QTMAN: variants seen among roughly 807,000 people sequenced by gnomAD.
The protein encoded by QTMAN is tRNA-queuosine alpha-mannosyltransferase.
chr2:144,269,448 C>CT, the QTMAN span, among the ~76,000 whole-genome samples: 1 of 152,000 alleles, frequency 6.6e-6, no homozygotes, highest in African/African-American at 2.4e-5. Flanking sequence ...TAATTTTTAA[C>CT]TTTTTTTATT....
the QTMAN span, among the ~76,000 whole-genome samples, chr2:144,321,411 A>C: frequency 6.6e-6 from 1 of 152,214 alleles, no homozygotes; most frequent in Non-Finnish European, 1.5e-5. Flanking sequence ...AAAAGATGTT[A>C]ATTAGTCCAT....
At chr2:143,995,738 T>G in the QTMAN span, among the ~76,000 whole-genome samples, 3 of 152,294 alleles carry the variant, frequency 2.0e-5, 1 homozygote, top group African/African-American at 4.8e-5. Flanking sequence ...AAATATATTT[T>G]AAACCTGTTT....
chr2:144,039,273 T>A, the QTMAN span, among the ~76,000 whole-genome samples: 1 of 152,156 alleles, frequency 6.6e-6, no homozygotes, highest in South Asian at 2.1e-4. Flanking sequence ...ATAAAGTGTG[T>A]GATGCGTCTC....
At chr2:144,085,534 G>A in the QTMAN span, among the ~76,000 whole-genome samples, 3 of 152,322 alleles carry the variant, frequency 2.0e-5, no homozygotes, top group Non-Finnish European at 4.4e-5. Flanking sequence ...CTTTTGTTCA[G>A]AGAATCCAAA....
chr2:144,130,999 T>C, the QTMAN span, among the ~76,000 whole-genome samples: 1 of 151,976 alleles, frequency 6.6e-6, no homozygotes, highest in African/African-American at 2.4e-5. Flanking sequence ...AAAGATCTGA[T>C]GGTTTTACAA....
At chr2:144,085,169 T>C in the QTMAN span, among the ~76,000 whole-genome samples, 1 of 152,206 alleles carries the variant, frequency 6.6e-6, no homozygotes, top group Non-Finnish European at 1.5e-5. Flanking sequence ...CTCAACTCTT[T>C]CTTTGTAGTG....
the QTMAN span, among the ~76,000 whole-genome samples, chr2:143,953,209 A>C: frequency 1.3e-5 from 2 of 151,794 alleles, no homozygotes; most frequent in Admixed American, 1.3e-4. Context: ...AAGCCTCAGA[A>C]TGTTCATTTT....
the QTMAN span, among the ~76,000 whole-genome samples, chr2:144,152,750 T>C: frequency 8.5e-4 from 129 of 152,340 alleles, no homozygotes; most frequent in Non-Finnish European, 1.7e-3. Flanking sequence ...TGTAAAATCT[T>C]TTGACTTGGC....
the QTMAN span, among the ~76,000 whole-genome samples, chr2:144,263,007 AGGAGG>A: frequency 9.8e-4 from 19 of 19,394 alleles, 1 homozygote; most frequent in Admixed American, 0.01. Flanking sequence ...GGGAGGACAG[AGGAGG>A]GGAGGGGAGG....
At chr2:144,007,436 C>T in the QTMAN span, 5 of 1,613,296 alleles carry the variant, frequency 3.1e-6, no homozygotes, top group Non-Finnish European at 4.2e-6. Context: ...AATCTCTCTG[C>T]TCTGGCTGAA....
At chr2:144,258,275 G>T in the QTMAN span, among the ~76,000 whole-genome samples, 1 of 149,762 alleles carries the variant, frequency 6.7e-6, no homozygotes. Context: ...GAAAAAAAAG[G>T]AAAGATATAA....
chr2:144,172,256 T>G, the QTMAN span, among the ~76,000 whole-genome samples: 2 of 152,086 alleles, frequency 1.3e-5, no homozygotes, highest in East Asian at 3.8e-4. Context: ...TTATTAAGAT[T>G]TAAACGACTT....
At chr2:144,269,522 T>C in the QTMAN span, among the ~76,000 whole-genome samples, 1 of 152,102 alleles carries the variant, frequency 6.6e-6, no homozygotes, top group South Asian at 2.1e-4. Flanking sequence ...TCCAAAAATA[T>C]CATTTGGGTC....
At chr2:144,311,134 AT>A in the QTMAN span, among the ~76,000 whole-genome samples, 11 of 152,188 alleles carry the variant, frequency 7.2e-5, no homozygotes, top group Admixed American at 7.2e-4. Flanking sequence ...TAAGGTGTGT[AT>A]TTAAGATAAT....
the QTMAN span, among the ~76,000 whole-genome samples, chr2:144,133,128 T>TAA: frequency 1.1e-4 from 5 of 44,904 alleles, no homozygotes; most frequent in African/African-American, 4.4e-4. Context: ...TATATATATA[T>TAA]ATATATATAT....
At chr2:144,240,739 A>C in the QTMAN span, among the ~76,000 whole-genome samples, 1 of 152,236 alleles carries the variant, frequency 6.6e-6, no homozygotes, top group African/African-American at 2.4e-5. Flanking sequence ...CACACAAACA[A>C]GTAGAACAGG....
the QTMAN span, among the ~76,000 whole-genome samples, chr2:144,242,075 CCAG>C: frequency 6.6e-6 from 1 of 151,894 alleles, no homozygotes; most frequent in African/African-American, 2.4e-5. Flanking sequence ...AAAAGTTTCT[CCAG>C]CACAGGAGGA....
At chr2:144,212,202 C>A in the QTMAN span, among the ~76,000 whole-genome samples, 2 of 152,172 alleles carry the variant, frequency 1.3e-5, no homozygotes, top group Admixed American at 6.5e-5. Context: ...GTGGCTCACG[C>A]CTGTAATCCC....
chr2:143,951,887 A>C, the QTMAN span: 1 of 662,388 alleles, frequency 1.5e-6, no homozygotes, highest in Non-Finnish European at 2.7e-6. Flanking sequence ...TGTTTCCTTT[A>C]AACATTAGTA....
Sources: allele counts gnomAD v4.1 joint callset (sites outside exome capture counted in the v4.1 genomes callset), GRCh38; gene constraint gnomAD v4.1.1; transcripts MANE v1.5; gene names NCBI Gene and HGNC (gene_info 2026-07-23, HGNC 2026-07-21).